The following ZNF385D variants were observed in gnomAD, a reference collection of about 807,000 sequenced individuals.
ZNF385D encodes zinc finger protein 659.
Under a neutral mutation model 35.8 loss-of-function variants are expected in ZNF385D, and 15 were observed. The observed-to-expected ratio is 0.42, with a 90% CI of 0.28 to 0.64. The LOEUF is 0.64. Ranked by LOEUF, ZNF385D falls within the 30% of genes least tolerant of loss-of-function variation. The probability of loss-of-function intolerance (pLI) is 0.23; values close to 1 mark genes in which losing one functional copy is unlikely to be tolerated. For missense variants in ZNF385D, 474 were observed against 494.6 expected (o/e 0.96, Z 0.39); for synonymous variants, 212 against 186.8 (o/e 1.13, Z -1.10).
intron 2 of ZNF385D, among the ~76,000 whole-genome samples, chr3:22,223,068 C>T (rs932741718): frequency 6.6e-6 from 1 of 151,990 alleles, no homozygotes; most frequent in Non-Finnish European, 1.5e-5. Flanking sequence ...TTAATCTATA[C>T]TTTCTTGGAT....
intron 2 of ZNF385D, among the ~76,000 whole-genome samples, chr3:22,184,987 T>A: frequency 6.6e-6 from 1 of 152,138 alleles, no homozygotes; most frequent in Non-Finnish European, 1.5e-5. Context: ...TTAGGTAGGT[T>A]AAAATGTGTT....
At chr3:21,799,451 A>G (rs1373802897) in intron 3 of ZNF385D, among the ~76,000 whole-genome samples, 1 of 152,128 alleles carries the variant, frequency 6.6e-6, no homozygotes, top group Non-Finnish European at 1.5e-5. Context: ...TAGGCATCCT[A>G]GTGGGTATGG....
At chr3:21,809,920 CTCTAG>C (rs2072836010) in intron 3 of ZNF385D, among the ~76,000 whole-genome samples, 1 of 151,970 alleles carries the variant, frequency 6.6e-6, no homozygotes. Context: ...AAAACAAAAT[CTCTAG>C]GCATAAATTG....
chr3:22,033,229 C>A (rs908845129), intron 3 of ZNF385D, among the ~76,000 whole-genome samples: 6 of 151,804 alleles, frequency 4.0e-5, no homozygotes, highest in Non-Finnish European at 7.4e-5. Flanking sequence ...TGGTGGAACC[C>A]TGTCTCTACT....
intron 3 of ZNF385D, among the ~76,000 whole-genome samples, chr3:21,915,986 A>G (rs1199003432): frequency 6.6e-6 from 1 of 152,302 alleles, no homozygotes; most frequent in Non-Finnish European, 1.5e-5. Flanking sequence ...CCAGTGTAAA[A>G]GCAGAAAAGG....
rs76715070 is a variant in ZNF385D at position 21,837,946 on chromosome 3, G to C, written c.326-172918C>G. Among the ~76,000 whole-genome samples the C allele has an allele frequency of 2.6e-3, 389 of 152,016 alleles. 1 individual carries two copies. The highest frequency in any genetic ancestry group is 4.2e-3 in the Non-Finnish European group (286 of 67,954). On this transcript the variant is annotated intron_variant, in intron 3 of 5. Transcript: ENST00000494108. ...ATAATATTGCAAATGACGGTGAGTA[G>C]AGGAAGGGAAAAATTTGTGGCCACC...
intron 2 of ZNF385D, among the ~76,000 whole-genome samples, chr3:22,196,111 A>G (rs1424445787): frequency 6.6e-6 from 1 of 152,066 alleles, no homozygotes; most frequent in Non-Finnish European, 1.5e-5. Flanking sequence ...ACTGTGTACA[A>G]TGAACCCCGA....
At chr3:21,483,586 G>T (rs1050987289) in intron 4 of ZNF385D, among the ~76,000 whole-genome samples, 1 of 152,064 alleles carries the variant, frequency 6.6e-6, no homozygotes, top group Non-Finnish European at 1.5e-5. Flanking sequence ...TAGCATTGAT[G>T]GGATTTGTTA....
intron 3 of ZNF385D, among the ~76,000 whole-genome samples, chr3:22,086,248 A>C (rs967384918): frequency 6.6e-6 from 1 of 152,208 alleles, no homozygotes; most frequent in Non-Finnish European, 1.5e-5. Context: ...AATTAGGAAA[A>C]GAGGAAGTCA....
chr3:21,773,497 G>T (rs1193696374), intron 3 of ZNF385D, among the ~76,000 whole-genome samples: 2 of 151,684 alleles, frequency 1.3e-5, no homozygotes, highest in Non-Finnish European at 2.9e-5. Context: ...AAGAATCAGA[G>T]AAATTTTTTT....
At chr3:21,925,610 A>T (rs1700686794) in intron 3 of ZNF385D, among the ~76,000 whole-genome samples, 1 of 152,020 alleles carries the variant, frequency 6.6e-6, no homozygotes, top group Admixed American at 6.6e-5. Context: ...CCATAAAAGG[A>T]AAAAAAAGAT....
intron 3 of ZNF385D, among the ~76,000 whole-genome samples, chr3:22,029,319 G>A (rs1697771386): frequency 6.6e-6 from 1 of 152,112 alleles, no homozygotes; most frequent in Non-Finnish European, 1.5e-5. Flanking sequence ...GATCCATTAG[G>A]GCTTCTCATA....
intron 3 of ZNF385D, among the ~76,000 whole-genome samples, chr3:21,562,683 G>A (rs957011190): frequency 1.3e-5 from 2 of 152,074 alleles, no homozygotes; most frequent in Non-Finnish European, 2.9e-5. Context: ...GTTTCTAAGT[G>A]AAATATAAAT....
At chr3:22,349,100 T>TTCTC (rs1695798132) in intron 2 of ZNF385D, among the ~76,000 whole-genome samples, 1 of 152,214 alleles carries the variant, frequency 6.6e-6, no homozygotes, top group Non-Finnish European at 1.5e-5. Flanking sequence ...CCATGTCTCC[T>TTCTC]TCTCTATACT....
At chr3:21,843,856 T>C (rs1559682019) in intron 3 of ZNF385D, among the ~76,000 whole-genome samples, 1 of 152,014 alleles carries the variant, frequency 6.6e-6, no homozygotes, top group Non-Finnish European at 1.5e-5. Flanking sequence ...CATTTCATTC[T>C]TTTATTCTAA....
intron 3 of ZNF385D, among the ~76,000 whole-genome samples, chr3:21,976,833 A>C (rs541583890): frequency 1.3e-4 from 20 of 152,286 alleles, no homozygotes; most frequent in Admixed American, 3.9e-4. Context: ...TCTGCTAAAA[A>C]TACAAAAATT....
At chr3:21,869,700 T>C (rs1244758468) in intron 3 of ZNF385D, among the ~76,000 whole-genome samples, 1 of 151,986 alleles carries the variant, frequency 6.6e-6, no homozygotes, top group Non-Finnish European at 1.5e-5. Context: ...AGATGAAAAA[T>C]AAAATATTTT....
intron 3 of ZNF385D, among the ~76,000 whole-genome samples, chr3:21,852,381 G>C (rs971953068): frequency 6.6e-6 from 1 of 151,734 alleles, no homozygotes; most frequent in African/African-American, 2.4e-5. Flanking sequence ...ACTAATCCTA[G>C]GTCTTAGTCA....
At chr3:21,925,959 TA>T (rs1241183522) in intron 3 of ZNF385D, among the ~76,000 whole-genome samples, 2 of 152,076 alleles carry the variant, frequency 1.3e-5, no homozygotes, top group Non-Finnish European at 2.9e-5. Flanking sequence ...AATGGCTAAG[TA>T]AAAAAATAGT....
Sources: gnomAD v4.1 joint callset for allele counts (sites outside exome capture counted in the v4.1 genomes callset) on GRCh38, gnomAD v4.1.1 for gene constraint, MANE v1.5 for transcripts, NCBI Gene and HGNC (gene_info 2026-07-23, HGNC 2026-07-21) for gene names.